Variants in SPOCK3 observed in about 807,000 individuals in gnomAD.
SPOCK3 encodes SPARC (osteonectin), cwcv and kazal like domains proteoglycan 3.
SPOCK3 carries 30 observed loss-of-function variants against 56.6 expected under a neutral mutation model. The ratio of observed to expected loss-of-function variants is 0.53; its 90% CI spans 0.40 to 0.72. The LOEUF is 0.72. Ranked by LOEUF, SPOCK3 falls within the 30% of genes least tolerant of loss-of-function variation. The pLI, the probability that SPOCK3 is intolerant of heterozygous loss-of-function variation, is 0.00. For synonymous variants in SPOCK3, 196 were observed against 183.3 expected (o/e 1.07, Z -0.56); for missense variants, 527 against 530.0 (o/e 0.99, Z 0.06).
At chr4:166,961,038 T>C (rs1373023729) in intron 4 of SPOCK3, among the ~76,000 whole-genome samples, 3 of 152,182 alleles carry the variant, frequency 2.0e-5, no homozygotes, top group African/African-American at 7.2e-5. Flanking sequence ...TTTATTGAAC[T>C]ACATGTATTC....
At chr4:166,742,113 G>A (rs1250442621) in intron 8 of SPOCK3, 54 bp from the exon 9 acceptor site, 10 of 1,295,742 alleles carry the variant, frequency 7.7e-6, no homozygotes, top group Non-Finnish European at 1.1e-5. Context: ...CAAAGAAAGT[G>A]TAATTTCTAT....
chr4:166,904,769 T>C (rs1560993058), intron 5 of SPOCK3, among the ~76,000 whole-genome samples: 1 of 152,014 alleles, frequency 6.6e-6, no homozygotes, highest in Non-Finnish European at 1.5e-5. Context: ...GGATAACCTA[T>C]TTACTTTTCT....
At chr4:166,964,716 A>C (rs540948529) in intron 4 of SPOCK3, among the ~76,000 whole-genome samples, 84 of 151,960 alleles carry the variant, frequency 5.5e-4, no homozygotes, top group Middle Eastern at 3.4e-3. Context: ...TCTAAAAGAG[A>C]ACAGGACAGG....
At chr4:166,776,720 C>T (rs1579196510) in intron 7 of SPOCK3, among the ~76,000 whole-genome samples, 1 of 152,046 alleles carries the variant, frequency 6.6e-6, no homozygotes, top group Non-Finnish European at 1.5e-5. Context: ...GACCAATATC[C>T]TACGTGTCCT....
chr4:167,039,374 C>A (rs1349779408), intron 3 of SPOCK3, among the ~76,000 whole-genome samples: 1 of 152,142 alleles, frequency 6.6e-6, no homozygotes, highest in Non-Finnish European at 1.5e-5. Flanking sequence ...GGGGACATAA[C>A]TCCATCCACA....
At chr4:167,042,010 T>TA (rs1753272291) in intron 3 of SPOCK3, among the ~76,000 whole-genome samples, 1 of 152,196 alleles carries the variant, frequency 6.6e-6, no homozygotes, top group African/African-American at 2.4e-5. Flanking sequence ...TTGAATGAAA[T>TA]AAAAGTATAT....
At chr4:166,924,409 CT>C (rs1284279066) in intron 4 of SPOCK3, among the ~76,000 whole-genome samples, 1 of 152,096 alleles carries the variant, frequency 6.6e-6, no homozygotes, top group Non-Finnish European at 1.5e-5. Context: ...TACTTTAAAC[CT>C]TTCAGAACAC....
intron 4 of SPOCK3, among the ~76,000 whole-genome samples, chr4:166,956,443 A>C (rs184470735): frequency 1.3e-5 from 2 of 152,158 alleles, no homozygotes; most frequent in Non-Finnish European, 2.9e-5. Context: ...CCAATAACCA[A>C]ACCAGCTACT....
At chr4:167,174,935 A>G (rs1003720012) in intron 2 of SPOCK3, among the ~76,000 whole-genome samples, 2 of 151,966 alleles carry the variant, frequency 1.3e-5, no homozygotes, top group African/African-American at 2.4e-5. Flanking sequence ...TTTACGCCCC[A>G]CTGATCCAGG....
intron 4 of SPOCK3, among the ~76,000 whole-genome samples, chr4:166,974,620 TCTC>T (rs1159280416): frequency 6.6e-6 from 1 of 152,148 alleles, no homozygotes; most frequent in African/African-American, 2.4e-5. Flanking sequence ...CTCTAATTTC[TCTC>T]CTACCAAGTT....
At position 167,234,475 on chromosome 4, in the gene SPOCK3, G is replaced by C; in HGVS notation, c.-26C>G. On this transcript the variant is annotated 5_prime_UTR_variant, in exon 1 of 11. Transcript: ENST00000357545. ...CTTGTTGTGAGCCAGCACTGTGCTC[G>C]CAGCTCCTGCTGGAAATGCAGCCCT... The C allele has an allele frequency of 2.4e-6, 1 of 416,936 alleles. No individual in the cohort carries two copies. Among genetic ancestry groups the C allele is most frequent in the Non-Finnish European group, 4.4e-6 (1 of 228,330 alleles). 25.8% of individuals were successfully genotyped at this position (416,936 alleles called of 1,614,324 possible). A position where few individuals can be genotyped will look rare whatever the true frequency, so the allele number is the denominator to read the frequency against.
At chr4:167,016,423 T>C (rs1018792940) in intron 3 of SPOCK3, among the ~76,000 whole-genome samples, 11 of 152,162 alleles carry the variant, frequency 7.2e-5, no homozygotes, top group Non-Finnish European at 1.5e-5. Flanking sequence ...GTTTGGAAAA[T>C]TGTAAATTTC....
chr4:166,895,806 A>G (rs1453343307), intron 5 of SPOCK3, among the ~76,000 whole-genome samples: 1 of 152,186 alleles, frequency 6.6e-6, no homozygotes, highest in Non-Finnish European at 1.5e-5. Flanking sequence ...GGGATTTCTA[A>G]ATGAGAAAGA....
chr4:167,137,614 A>G (rs1026496101), intron 2 of SPOCK3, among the ~76,000 whole-genome samples: 1 of 151,916 alleles, frequency 6.6e-6, no homozygotes, highest in East Asian at 1.9e-4. Flanking sequence ...TCATTCCTAT[A>G]TATCATTGAT....
chr4:166,949,276 C>T (rs931205629), intron 4 of SPOCK3, among the ~76,000 whole-genome samples: 31 of 152,090 alleles, frequency 2.0e-4, no homozygotes, highest in Non-Finnish European at 3.8e-4. Context: ...AACTTCTTTG[C>T]CTTTGGTTTG....
At chr4:166,765,160 G>A (rs979767383) in intron 7 of SPOCK3, among the ~76,000 whole-genome samples, 6 of 152,156 alleles carry the variant, frequency 3.9e-5, no homozygotes, top group Admixed American at 3.3e-4. Context: ...TCTGAAGGTA[G>A]TTTCTTTTGC....
intron 4 of SPOCK3, among the ~76,000 whole-genome samples, chr4:166,929,233 A>G (rs1430995891): frequency 6.6e-6 from 1 of 152,138 alleles, no homozygotes; most frequent in African/African-American, 2.4e-5. Flanking sequence ...CACATAGCAG[A>G]GGTGTTCTGG....
chr4:167,232,199 ATAAAG>A (rs1561351561), intron 2 of SPOCK3, among the ~76,000 whole-genome samples: 2 of 152,158 alleles, frequency 1.3e-5, no homozygotes, highest in African/African-American at 2.4e-5. Flanking sequence ...CAATAATTTA[ATAAAG>A]TAATTTGAAT....
chr4:166,865,421 C>T (rs4289464), intron 6 of SPOCK3, among the ~76,000 whole-genome samples: 111,767 of 152,064 alleles, frequency 0.73, 41,164 homozygotes, highest in East Asian at 0.81. Flanking sequence ...GTATTGGAAA[C>T]TCTGGCCAGG....
Sources: allele counts gnomAD v4.1 joint callset (sites outside exome capture counted in the v4.1 genomes callset), GRCh38; gene constraint gnomAD v4.1.1; transcripts MANE v1.5; gene names NCBI Gene and HGNC (gene_info 2026-07-23, HGNC 2026-07-21).